Variants in TMTC1 observed in about 807,000 individuals in gnomAD.
TMTC1 encodes the protein transmembrane O-mannosyltransferase targeting cadherins 1.
In TMTC1, 73 loss-of-function variants were observed where a neutral mutation model predicts 104.8. The observed-to-expected ratio is 0.70, with a 90% CI of 0.58 to 0.85. The LOEUF is 0.85. Ranked by LOEUF, TMTC1 falls within the 40% of genes least tolerant of loss-of-function variation. TMTC1 has a pLI of 0.00. For synonymous variants in TMTC1, 434 were observed against 428.7 expected, an observed-to-expected ratio of 1.01 and a Z score of -0.15; for missense variants, 1,035 against 1,096.1, an observed-to-expected ratio of 0.94 and a Z score of 0.79.
At chr12:29,601,243 T>G (rs159711) in intron 7 of TMTC1, among the ~76,000 whole-genome samples, 134,586 of 152,202 alleles carry the variant, frequency 0.88, 59,588 homozygotes, top group East Asian at 0.97. Flanking sequence ...CCGGGCAAGA[T>G]GAACCTCTTA....
chr12:29,643,653 T>TATTA (rs1185575074), intron 5 of TMTC1, among the ~76,000 whole-genome samples: 1 of 32,966 alleles, frequency 3.0e-5, no homozygotes, highest in African/African-American at 1.6e-4. Context: ...ATATGTTATA[T>TATTA]TATATAATAT....
intron 5 of TMTC1, among the ~76,000 whole-genome samples, chr12:29,669,897 T>C (rs913189929): frequency 4.6e-5 from 7 of 152,158 alleles, no homozygotes; most frequent in Admixed American, 4.6e-4. Context: ...ACTGGCCCCA[T>C]TGTACAGATT....
intron 17 of TMTC1, among the ~76,000 whole-genome samples, chr12:29,511,333 A>G (rs888524304): frequency 2.6e-5 from 4 of 152,088 alleles, no homozygotes; most frequent in Admixed American, 1.3e-4. Flanking sequence ...TAGCACCATA[A>G]GAACAGGAAT....
At chr12:29,771,928 T>C (rs183337079) in intron 1 of TMTC1, among the ~76,000 whole-genome samples, 3 of 152,278 alleles carry the variant, frequency 2.0e-5, no homozygotes, top group African/African-American at 4.8e-5. Context: ...ACATCCACAG[T>C]GTCTAGCACA....
intron 10 of TMTC1, among the ~76,000 whole-genome samples, chr12:29,550,407 T>C (rs952214722): frequency 1.3e-5 from 2 of 152,062 alleles, no homozygotes; most frequent in African/African-American, 2.4e-5. Flanking sequence ...AGCAGGAGAA[T>C]AGCACCTGTC....
chr12:29,782,462 G>GGA (rs1555200126), intron 1 of TMTC1, among the ~76,000 whole-genome samples: 3 of 18,228 alleles, frequency 1.6e-4, no homozygotes, highest in African/African-American at 5.1e-4. Context: ...TACACCCGTT[G>GGA]CAAAAAGGCT....
At chr12:29,596,336 T>C (rs768125811) in intron 7 of TMTC1, among the ~76,000 whole-genome samples, 1 of 152,156 alleles carries the variant, frequency 6.6e-6, no homozygotes, top group Non-Finnish European at 1.5e-5. Flanking sequence ...ACCCAAACTT[T>C]GGATTTTGCC....
At chr12:29,781,138 TA>T (rs576374968) in intron 1 of TMTC1, among the ~76,000 whole-genome samples, 28 of 52,900 alleles carry the variant, frequency 5.3e-4, no homozygotes, top group African/African-American at 1.5e-3. Flanking sequence ...CAGGTGAATA[TA>T]AAGAAAACTG....
intron 5 of TMTC1, among the ~76,000 whole-genome samples, chr12:29,676,483 G>T (rs1240682080): frequency 6.6e-6 from 1 of 152,144 alleles, no homozygotes; most frequent in Non-Finnish European, 1.5e-5. Context: ...AAAAGCAATA[G>T]ATGTTAATCA....
intron 5 of TMTC1, among the ~76,000 whole-genome samples, chr12:29,635,280 T>C (rs1938493971): frequency 6.6e-6 from 1 of 152,130 alleles, no homozygotes; most frequent in Non-Finnish European, 1.5e-5. Context: ...AGTGATTGGA[T>C]CATTTTGGGC....
chr12:29,558,490 G>T (rs1472776923), intron 9 of TMTC1, among the ~76,000 whole-genome samples: 1 of 152,194 alleles, frequency 6.6e-6, no homozygotes, highest in Non-Finnish European at 1.5e-5. Context: ...CTCCCTTACA[G>T]AACAGCTATA....
chr12:29,776,194 T>C (rs894708129), intron 1 of TMTC1, among the ~76,000 whole-genome samples: 1 of 152,112 alleles, frequency 6.6e-6, no homozygotes, highest in Non-Finnish European at 1.5e-5. Context: ...ACCTTGAACT[T>C]TGCAGCAAGC....
At chr12:29,550,909 G>A (rs549847348) in intron 10 of TMTC1, among the ~76,000 whole-genome samples, 3 of 123,848 alleles carry the variant, frequency 2.4e-5, no homozygotes, top group East Asian at 2.6e-4. Context: ...ACTCCAGCCT[G>A]GGGGAGAGAG....
At chr12:29,561,620 G>A (rs1422578940) in intron 9 of TMTC1, among the ~76,000 whole-genome samples, 3 of 152,128 alleles carry the variant, frequency 2.0e-5, no homozygotes, top group Non-Finnish European at 4.4e-5. Flanking sequence ...ATAGACATAA[G>A]CTGTATGTGA....
chr12:29,600,010 T>TATATATATATATA (rs71985661), intron 7 of TMTC1, among the ~76,000 whole-genome samples: 32 of 96,330 alleles, frequency 3.3e-4, no homozygotes, highest in African/African-American at 1.4e-3. Context: ...ATATATATAT[T>TATATATATATATA]TTTTTTTTTT....
rs1340949199 is a variant in TMTC1 at position 29,506,976 on chromosome 12, A to C, written c.2519T>G (p.Val840Gly). The change falls in exon 18 of 18, where the codon GTG becomes GGG. Residue 840 changes from valine (V) to glycine (G), a missense_variant. Coordinates refer to ENST00000539277, the MANE Select transcript of TMTC1 (RefSeq NM_001193451.2). ...TCTCTCATAATAAGCTCTTGCAGAC[A>C]CATATTTTCCCTGGGGGTGGGAAAG... ...GGIQHIKGKYVSARAYYERAL... is the reference protein window; with the variant it reads ...GGIQHIKGKYGSARAYYERAL... 6.2e-7 allele frequency: 1 copy of C among 1,613,616 alleles called. No homozygotes were observed. The highest frequency in any genetic ancestry group is 8.5e-7 in the Non-Finnish European group (1 of 1,179,626).
intron 7 of TMTC1, among the ~76,000 whole-genome samples, chr12:29,597,213 CT>C (rs1325711339): frequency 1.4e-5 from 2 of 143,638 alleles, no homozygotes; most frequent in African/African-American, 5.4e-5. Flanking sequence ...CTTTTCTTTT[CT>C]TTTTCTTTTT....
intron 5 of TMTC1, among the ~76,000 whole-genome samples, chr12:29,699,649 CTTTTTTTTTT>C (rs71444337): frequency 1.2e-5 from 1 of 86,848 alleles, no homozygotes; most frequent in African/African-American, 4.7e-5. Flanking sequence ...TCATCTGGTG[CTTTTTTTTTT>C]TTTTTTTTTT....
At chr12:29,780,018 G>C (rs1049234259) in intron 1 of TMTC1, among the ~76,000 whole-genome samples, 1 of 152,180 alleles carries the variant, frequency 6.6e-6, no homozygotes, top group Non-Finnish European at 1.5e-5. Flanking sequence ...AATACAAAGT[G>C]CTGGCAGAAA....
Sources: gnomAD v4.1 joint callset for allele counts (sites outside exome capture counted in the v4.1 genomes callset) on GRCh38, gnomAD v4.1.1 for gene constraint, MANE v1.5 for transcripts, NCBI Gene and HGNC (gene_info 2026-07-23, HGNC 2026-07-21) for gene names.